Variants in CSMD1 observed in about 807,000 individuals in gnomAD.
CSMD1 encodes the protein CUB and sushi domain-containing protein 1.
In CSMD1, 213 loss-of-function variants were observed where a neutral mutation model predicts 417.5. The ratio of observed to expected loss-of-function variants is 0.51; its 90% CI spans 0.46 to 0.57. The LOEUF is 0.57. CSMD1 is among the 20% of genes least tolerant of loss of function. The pLI is 0.00. For synonymous variants in CSMD1, 2,862 were observed against 1,736.8 expected, an observed-to-expected ratio of 1.65 and a Z score of -16.11; for missense variants, 6,923 against 4,529.7, an observed-to-expected ratio of 1.53 and a Z score of -15.17.
At chr8:3,501,704 G>A (rs1362126240) in intron 10 of CSMD1, among the ~76,000 whole-genome samples, 1 of 152,110 alleles carries the variant, frequency 6.6e-6, no homozygotes, top group Non-Finnish European at 1.5e-5. Context: ...TAAAAAACAT[G>A]ATAACAAGTT....
chr8:3,129,903 C>G (rs188287600), intron 41 of CSMD1, among the ~76,000 whole-genome samples: 3 of 151,998 alleles, frequency 2.0e-5, no homozygotes, highest in Admixed American at 6.6e-5. Flanking sequence ...ATCACCTGAG[C>G]CCGGGGGGCG....
intron 3 of CSMD1, among the ~76,000 whole-genome samples, chr8:4,119,518 G>C (rs1301644452): frequency 1.3e-5 from 2 of 152,162 alleles, no homozygotes; most frequent in East Asian, 1.9e-4. Flanking sequence ...TTTGTAGGTG[G>C]GGTGCTTGGG....
chr8:4,672,063 AAGAT>A (rs1225922470), intron 1 of CSMD1, among the ~76,000 whole-genome samples: 1 of 152,114 alleles, frequency 6.6e-6, no homozygotes, highest in Admixed American at 6.6e-5. Flanking sequence ...CTTTTGTTGA[AAGAT>A]AGAGTTTCCT....
At chr8:4,043,689 T>C (rs1798007117) in intron 3 of CSMD1, among the ~76,000 whole-genome samples, 1 of 152,212 alleles carries the variant, frequency 6.6e-6, no homozygotes, top group South Asian at 2.1e-4. Flanking sequence ...TATTTCAGTG[T>C]TCTGAATTAC....
chr8:3,703,334 G>T (rs1041415535), intron 7 of CSMD1, among the ~76,000 whole-genome samples: 1 of 152,142 alleles, frequency 6.6e-6, no homozygotes, highest in East Asian at 1.9e-4. Context: ...GATGAACGTG[G>T]GTTCCCAAAG....
chr8:3,170,566 A>G (rs1297324684), intron 37 of CSMD1, among the ~76,000 whole-genome samples: 1 of 152,212 alleles, frequency 6.6e-6, no homozygotes, highest in Non-Finnish European at 1.5e-5. Context: ...AGCACAGAAT[A>G]TACTGCATTT....
intron 9 of CSMD1, among the ~76,000 whole-genome samples, chr8:3,581,766 G>A (rs375427822): frequency 6.6e-6 from 1 of 152,134 alleles, no homozygotes; most frequent in East Asian, 1.9e-4. Flanking sequence ...GGCTAAGAAT[G>A]AATCAGGAAA....
chr8:4,266,340 AAAAC>A (rs1314337176), intron 3 of CSMD1, among the ~76,000 whole-genome samples: 1 of 105,624 alleles, frequency 9.5e-6, no homozygotes, highest in African/African-American at 2.6e-5. Context: ...ATTTTGGAGA[AAAAC>A]AAACACAACT....
chr8:3,295,742 G>T (rs144319785), intron 25 of CSMD1, among the ~76,000 whole-genome samples: 1 of 152,176 alleles, frequency 6.6e-6, no homozygotes, highest in Non-Finnish European at 1.5e-5. Flanking sequence ...ATTACCGTCA[G>T]ACTAAGAGTT....
At chr8:4,973,862 G>A (rs564251360) in intron 1 of CSMD1, among the ~76,000 whole-genome samples, 8 of 152,244 alleles carry the variant, frequency 5.3e-5, no homozygotes, top group South Asian at 2.1e-4. Context: ...AAATCAACGT[G>A]ACAAATCCAA....
At chr8:4,802,476 A>G (rs1798354546) in intron 1 of CSMD1, among the ~76,000 whole-genome samples, 1 of 151,924 alleles carries the variant, frequency 6.6e-6, no homozygotes, top group Admixed American at 6.6e-5. Context: ...AAACCACGAA[A>G]TCAAACAATA....
chr8:4,302,456 G>A (rs1222987435), intron 3 of CSMD1, among the ~76,000 whole-genome samples: 2 of 152,024 alleles, frequency 1.3e-5, no homozygotes, highest in African/African-American at 2.4e-5. Context: ...CACACATATC[G>A]TGCAGACAAA....
At chr8:3,670,061 G>A (rs1185105253) in intron 7 of CSMD1, among the ~76,000 whole-genome samples, 3 of 152,232 alleles carry the variant, frequency 2.0e-5, no homozygotes, top group Admixed American at 6.5e-5. Flanking sequence ...AATTTGTGAT[G>A]GTTAATACTG....
chr8:4,219,786 G>C (rs1047473417), intron 3 of CSMD1, among the ~76,000 whole-genome samples: 1 of 152,114 alleles, frequency 6.6e-6, no homozygotes, highest in African/African-American at 2.4e-5. Context: ...TCACCAGATA[G>C]CCATTATGTA....
At chr8:4,363,266 T>G (rs562607575) in intron 3 of CSMD1, among the ~76,000 whole-genome samples, 1 of 152,310 alleles carries the variant, frequency 6.6e-6, no homozygotes, top group South Asian at 2.1e-4. Context: ...TTATCACCCC[T>G]TAAAGGAGCC....
At position 4,687,282 on chromosome 8, in the gene CSMD1, C is replaced by T. The variant is rs1321339836; in HGVS notation, c.86-49724G>A. Reference sequence around the variant, plus strand: ...CTATCAGATGAAGGAGGACAAGGAGCCTTACTGAGGACAGAGGATGATGTG... The same window carrying T: ...CTATCAGATGAAGGAGGACAAGGAGTCTTACTGAGGACAGAGGATGATGTG... On this transcript the variant is annotated intron_variant, in intron 1 of 69. Transcript: ENST00000635120. 4.6e-5 allele frequency among the ~76,000 whole-genome samples: 7 copies of T among 152,240 alleles called. No individual in the cohort carries two copies. The East Asian group carries it at 1.4e-3, about 29-fold the overall frequency.
chr8:3,482,248 T>C (rs574768015), intron 11 of CSMD1, among the ~76,000 whole-genome samples: 19 of 152,170 alleles, frequency 1.2e-4, no homozygotes, highest in African/African-American at 4.6e-4. Context: ...GCAGAATGTA[T>C]TAAAAAATTA....
intron 4 of CSMD1, among the ~76,000 whole-genome samples, chr8:4,019,846 G>A (rs972009008): frequency 2.0e-4 from 30 of 150,140 alleles, no homozygotes; most frequent in African/African-American, 6.9e-4. Flanking sequence ...TTTTTCCTGA[G>A]CCCCAAACCA....
At chr8:3,585,011 C>T (rs996119068) in intron 9 of CSMD1, among the ~76,000 whole-genome samples, 4 of 152,160 alleles carry the variant, frequency 2.6e-5, no homozygotes, top group African/African-American at 9.7e-5. Flanking sequence ...ATTGCTGACT[C>T]TCCTGAAGGG....
Sources: gnomAD v4.1 joint callset for allele counts (sites outside exome capture counted in the v4.1 genomes callset) on GRCh38, gnomAD v4.1.1 for gene constraint, MANE v1.5 for transcripts, NCBI Gene and HGNC (gene_info 2026-07-23, HGNC 2026-07-21) for gene names.